Variants in NCOA2 observed in about 807,000 individuals in gnomAD.
The protein encoded by NCOA2 is class E basic helix-loop-helix protein 75.
In NCOA2, 21 loss-of-function variants were observed where a neutral mutation model predicts 145.1. The observed-to-expected ratio is 0.14, with a 90% CI of 0.10 to 0.21. The LOEUF (loss-of-function observed/expected upper bound fraction) is 0.21, where lower values mean the gene tolerates loss of function less well. Among genes scored for constraint, NCOA2 ranks in the 10% least tolerant of loss-of-function variants. The probability of loss-of-function intolerance (pLI) is 1.00; values close to 1 mark genes in which losing one functional copy is unlikely to be tolerated. For synonymous variants in NCOA2, 619 were observed against 637.5 expected (o/e 0.97, Z 0.44); for missense variants, 1,472 against 1,837.6 (o/e 0.80, Z 3.64).
rs1819958655 is a variant in NCOA2, at chr8:70,219,596, A to C, written c.-19-2832T>G. Among the ~76,000 whole-genome samples the C allele has an allele frequency of 2.6e-5, 4 of 152,112 alleles. No individual in the cohort carries two copies. The South Asian group carries it at 8.3e-4, about 32-fold the overall frequency. On this transcript the variant is annotated intron_variant, in intron 2 of 22. Coordinates refer to ENST00000452400, the MANE Select transcript of NCOA2 (RefSeq NM_006540.4). ...AAGGATGCCCTGTCTGAATCACTGC[A>C]AATCACCCATAAAAACAAAAAGGAG...
Position 70,112,062 on chromosome 8 carries a change from A to ACT in NCOA2, c.*1569_*1570insAG, listed in dbSNP as rs1440246118. On this transcript the variant is annotated 3_prime_UTR_variant, in exon 23 of 23. Coordinates refer to ENST00000452400, the MANE Select transcript of NCOA2 (RefSeq NM_006540.4). ...CAACCATAAAAGTGGCCTGCTTAGTAACATGTAGTCTTTCTAAGGTTCATT... is the reference window on the plus strand; with the variant it reads ...CAACCATAAAAGTGGCCTGCTTAGTACTACATGTAGTCTTTCTAAGGTTCATT... 1.9e-5 allele frequency: 4 copies of ACT among 209,398 alleles called. No homozygotes were observed. Among genetic ancestry groups the ACT allele is most frequent in the African/African-American group, 9.1e-5 (4 of 44,046 alleles). The allele number at this position is 209,398 out of a possible 1,614,324, so 13.0% of individuals were successfully genotyped here. A position where few individuals can be genotyped will look rare whatever the true frequency, so the allele number is the denominator to read the frequency against.
At chr8:70,429,809 A>T in the NCOA2 span, among the ~76,000 whole-genome samples, 1 of 152,208 alleles carries the variant, frequency 6.6e-6, no homozygotes, top group Non-Finnish European at 1.5e-5. Context: ...GCTTTAATAC[A>T]TGTTTTATTT....
At chr8:70,151,922 G>A (rs1414861578) in intron 11 of NCOA2, among the ~76,000 whole-genome samples, 2 of 151,454 alleles carry the variant, frequency 1.3e-5, no homozygotes, top group Non-Finnish European at 2.9e-5. Context: ...TGTAAGTTTT[G>A]GAAGGAATAA....
chr8:70,364,555 G>A (rs1421640297), intron 1 of NCOA2, among the ~76,000 whole-genome samples: 1 of 152,132 alleles, frequency 6.6e-6, no homozygotes, highest in East Asian at 1.9e-4. Context: ...GTGTAAAAAT[G>A]CTAATAACTG....
At chr8:70,303,981 T>A (rs1827688938) in intron 1 of NCOA2, among the ~76,000 whole-genome samples, 1 of 152,086 alleles carries the variant, frequency 6.6e-6, no homozygotes, top group Non-Finnish European at 1.5e-5. Flanking sequence ...GTGTGGATAA[T>A]TTTTAGATTA....
At chr8:70,245,976 A>G (rs1822584117) in intron 2 of NCOA2, among the ~76,000 whole-genome samples, 1 of 152,268 alleles carries the variant, frequency 6.6e-6, no homozygotes, top group Admixed American at 6.5e-5. Context: ...TAGTCTTGTT[A>G]AGAATATATC....
intron 1 of NCOA2, among the ~76,000 whole-genome samples, chr8:70,343,269 T>G (rs1319793198): frequency 6.6e-6 from 1 of 152,190 alleles, no homozygotes; most frequent in Non-Finnish European, 1.5e-5. Context: ...CCTTTTCAGG[T>G]TCTTAAGTTC....
intron 1 of NCOA2, among the ~76,000 whole-genome samples, chr8:70,363,903 C>T (rs1017718031): frequency 6.6e-6 from 1 of 151,928 alleles, no homozygotes; most frequent in Non-Finnish European, 1.5e-5. Context: ...CAAGAAGATG[C>T]CGGCCATCCT....
chr8:70,434,194 A>G, the NCOA2 span, among the ~76,000 whole-genome samples: 5 of 152,324 alleles, frequency 3.3e-5, no homozygotes, highest in Admixed American at 2.6e-4. Context: ...CCCACTCTGT[A>G]AGTTTCCTCA....
At chr8:70,186,865 C>T (rs1816135424) in intron 4 of NCOA2, among the ~76,000 whole-genome samples, 1 of 152,160 alleles carries the variant, frequency 6.6e-6, no homozygotes, top group African/African-American at 2.4e-5. Context: ...TCTTCATTAA[C>T]ACCTAAATTC....
intron 18 of NCOA2, 117 bp downstream of exon 18, chr8:70,128,316 G>A: frequency 1.2e-6 from 1 of 815,754 alleles, no homozygotes; most frequent in African/African-American, 1.7e-5. Context: ...TGACAGTACA[G>A]GGCTAGTGTG....
At chr8:70,147,127 C>CGCGT (rs1349263696) in intron 12 of NCOA2, among the ~76,000 whole-genome samples, 9 of 144,708 alleles carry the variant, frequency 6.2e-5, no homozygotes, top group South Asian at 4.5e-4. Flanking sequence ...CGCGCGCGCG[C>CGCGT]GTGTGTGTGT....
intron 1 of NCOA2, among the ~76,000 whole-genome samples, chr8:70,306,379 C>T (rs1185058892): frequency 6.6e-6 from 1 of 152,168 alleles, no homozygotes; most frequent in Non-Finnish European, 1.5e-5. Context: ...TCAACCTCCA[C>T]GTCACAGAAG....
At chr8:70,353,433 C>T (rs773560500) in intron 1 of NCOA2, among the ~76,000 whole-genome samples, 2 of 148,496 alleles carry the variant, frequency 1.3e-5, no homozygotes, top group African/African-American at 2.5e-5. Context: ...TGTTTATAAG[C>T]CAACTTTTTC....
chr8:70,224,529 G>C (rs1820437661), intron 2 of NCOA2, among the ~76,000 whole-genome samples: 1 of 151,984 alleles, frequency 6.6e-6, no homozygotes, highest in Non-Finnish European at 1.5e-5. Context: ...AATAAAAACA[G>C]TGTCTACTCT....
chr8:70,128,631 T>C lies in NCOA2; in HGVS notation c.3603+71A>G, dbSNP rs923367649. ...TCTGCACATTGTTGGACAGCTGTGC[T>C]GTCTCACATCATCTTCCCCATGTCC... is the stretch of plus-strand genomic sequence containing the variant. On this transcript the variant is annotated intron_variant, in intron 17 of 22. Coordinates refer to ENST00000452400, the MANE Select transcript of NCOA2 (RefSeq NM_006540.4). The C allele has an allele frequency of 8.8e-6, 14 of 1,595,750 alleles. No individual in the cohort carries two copies. In the African/African-American group the frequency reaches 1.9e-4, roughly 21 times the overall value.
Position 70,282,310 on chromosome 8 carries a change from C to A in NCOA2, c.-20+14434G>T, listed in dbSNP as rs183184408. ...CATATATCAAGGACTACAAAAACAA[C>A]TGCCAACAAAAAGACTGTGCAGGCA... On this transcript the variant is annotated intron_variant, in intron 2 of 22. Transcript: ENST00000452400. Among the ~76,000 whole-genome samples the A allele has an allele frequency of 2.3e-3, 345 of 152,264 alleles. 2 individuals are homozygous for A. Among genetic ancestry groups the A allele is most frequent in the Non-Finnish European group, 3.1e-3 (210 of 68,012 alleles).
chr8:70,233,931 C>T (rs2075569487), intron 2 of NCOA2, among the ~76,000 whole-genome samples: 1 of 152,044 alleles, frequency 6.6e-6, no homozygotes, highest in South Asian at 2.1e-4. Context: ...AGTGTATATA[C>T]AGGGTTGTGA....
At chr8:70,243,310 T>G (rs1298113961) in intron 2 of NCOA2, among the ~76,000 whole-genome samples, 1 of 152,110 alleles carries the variant, frequency 6.6e-6, no homozygotes, top group East Asian at 1.9e-4. Flanking sequence ...ATATGAAACG[T>G]CATTCACAAA....
Sources: gnomAD v4.1 joint callset for allele counts (sites outside exome capture counted in the v4.1 genomes callset) on GRCh38, gnomAD v4.1.1 for gene constraint, MANE v1.5 for transcripts, NCBI Gene and HGNC (gene_info 2026-07-23, HGNC 2026-07-21) for gene names.